The following CTNND2 variants were observed in gnomAD, a reference collection of about 807,000 sequenced individuals.
CTNND2 encodes the protein catenin delta-2.
Under a neutral mutation model 144.4 loss-of-function variants are expected in CTNND2, and 22 were observed. The ratio of observed to expected loss-of-function variants is 0.15; its 90% CI spans 0.11 to 0.22. The LOEUF is 0.22. Among genes scored for constraint, CTNND2 ranks in the 10% least tolerant of loss-of-function variants. The pLI, the probability that CTNND2 is intolerant of heterozygous loss-of-function variation, is 1.00. For missense variants in CTNND2, 1,353 were observed against 1,618.8 expected (o/e 0.84, Z 2.82); for synonymous variants, 751 against 695.6 (o/e 1.08, Z -1.25).
intron 15 of CTNND2, among the ~76,000 whole-genome samples, chr5:11,095,209 A>G (rs189618242): frequency 2.0e-5 from 3 of 152,296 alleles, no homozygotes; most frequent in East Asian, 3.9e-4. Context: ...GAGATACGGA[A>G]CCTGCAAACT....
intron 16 of CTNND2, among the ~76,000 whole-genome samples, chr5:11,024,074 A>G (rs1322600937): frequency 1.3e-5 from 2 of 152,226 alleles, no homozygotes; most frequent in African/African-American, 4.8e-5. Flanking sequence ...CCATGTACAT[A>G]TCTATAAATA....
At chr5:11,682,137 T>C (rs147979160) in intron 2 of CTNND2, among the ~76,000 whole-genome samples, 68 of 152,370 alleles carry the variant, frequency 4.5e-4, no homozygotes, top group Non-Finnish European at 7.6e-4. Flanking sequence ...GAATTATCTC[T>C]GGTTTCTACA....
chr5:11,133,810 G>A lies in CTNND2; in HGVS notation c.2160-16243C>T, dbSNP rs139813981. The stretch of plus-strand genomic sequence containing the variant: ...GGAAAATGCGTTAACAGGGCAGCTC[G>A]AAGATTCTGCATTTTAAAAGCAAGG... On this transcript the variant is annotated intron_variant, in intron 12 of 21. Coordinates refer to ENST00000304623, the MANE Select transcript of CTNND2 (RefSeq NM_001332.4). 7.2e-4 allele frequency among the ~76,000 whole-genome samples: 109 copies of A among 152,322 alleles called. 2 individuals carry two copies. The highest frequency in any genetic ancestry group is 2.4e-3 in the African/African-American group (101 of 41,574).
intron 3 of CTNND2, among the ~76,000 whole-genome samples, chr5:11,423,460 T>C (rs1762530590): frequency 6.6e-6 from 1 of 152,184 alleles, no homozygotes; most frequent in African/African-American, 2.4e-5. Flanking sequence ...ACATTTCAAG[T>C]TTCACTCTTT....
chr5:11,676,745 T>A (rs1447425696), intron 2 of CTNND2, among the ~76,000 whole-genome samples: 1 of 152,176 alleles, frequency 6.6e-6, no homozygotes, highest in Non-Finnish European at 1.5e-5. Context: ...GAGTCATTCC[T>A]CTTTGGTGCA....
rs531999985 is a variant in CTNND2 at position 11,146,303 on chromosome 5, G to A, written c.2159+13273C>T. Among the ~76,000 whole-genome samples, 14 of 152,266 alleles carry A rather than the reference G, an allele frequency of 9.2e-5. No homozygotes were observed. The South Asian group carries it at 1.0e-3, about 11-fold the overall frequency. ...AACAAGGAGAGGATGAGATGGCTACGGCTGCTCCAATTATCTAGGGGAGGG... is the reference window on the plus strand; with the variant it reads ...AACAAGGAGAGGATGAGATGGCTACAGCTGCTCCAATTATCTAGGGGAGGG... On this transcript the variant is annotated intron_variant, in intron 12 of 21. Transcript: ENST00000304623.
At chr5:11,748,234 T>C (rs551470562) in intron 1 of CTNND2, among the ~76,000 whole-genome samples, 2 of 152,148 alleles carry the variant, frequency 1.3e-5, no homozygotes, top group East Asian at 3.9e-4. Flanking sequence ...GCTGCCAAGA[T>C]ACATTGACAT....
At chr5:11,699,786 T>C (rs1473759698) in intron 2 of CTNND2, among the ~76,000 whole-genome samples, 1 of 152,234 alleles carries the variant, frequency 6.6e-6, no homozygotes, top group African/African-American at 2.4e-5. Context: ...CTTTCTAACT[T>C]GTACCTGTCC....
intron 3 of CTNND2, among the ~76,000 whole-genome samples, chr5:11,549,985 T>C (rs1355677583): frequency 6.6e-6 from 1 of 152,228 alleles, no homozygotes; most frequent in African/African-American, 2.4e-5. Flanking sequence ...GGGCATTTCC[T>C]ATCTATTCAC....
intron 2 of CTNND2, among the ~76,000 whole-genome samples, chr5:11,570,571 GC>G (rs1281762369): frequency 4.6e-5 from 7 of 151,952 alleles, no homozygotes; most frequent in African/African-American, 1.7e-4. Context: ...GTGATTTTTT[GC>G]TTCATTATCT....
chr5:11,387,091 C>T (rs1394850214), intron 6 of CTNND2, among the ~76,000 whole-genome samples: 3 of 150,658 alleles, frequency 2.0e-5, no homozygotes, highest in Non-Finnish European at 4.4e-5. Context: ...CTTACCATTG[C>T]TATTTAATTC....
At chr5:11,407,497 C>T (rs1056442313) in intron 5 of CTNND2, among the ~76,000 whole-genome samples, 3 of 152,140 alleles carry the variant, frequency 2.0e-5, no homozygotes, top group East Asian at 1.9e-4. Flanking sequence ...CAAAAAGATG[C>T]GTACTGTGAC....
At chr5:11,540,477 G>A (rs1197774112) in intron 3 of CTNND2, among the ~76,000 whole-genome samples, 3 of 152,160 alleles carry the variant, frequency 2.0e-5, no homozygotes, top group African/African-American at 7.2e-5. Flanking sequence ...AAATGGTTAC[G>A]ACACAGACTT....
intron 1 of CTNND2, among the ~76,000 whole-genome samples, chr5:11,773,842 C>G (rs12659824): frequency 6.7e-6 from 1 of 148,874 alleles, no homozygotes; most frequent in East Asian, 2.0e-4. Flanking sequence ...ATACAACAAA[C>G]ATGCAAATTT....
At chr5:11,200,840 G>T (rs544844610) in intron 10 of CTNND2, among the ~76,000 whole-genome samples, 1 of 152,044 alleles carries the variant, frequency 6.6e-6, no homozygotes, top group Non-Finnish European at 1.5e-5. Context: ...CACCACGCCC[G>T]GCTATTTTTT....
intron 5 of CTNND2, among the ~76,000 whole-genome samples, chr5:11,407,549 A>G (rs531135291): frequency 6.1e-4 from 93 of 152,314 alleles, no homozygotes; most frequent in Non-Finnish European, 9.4e-4. Context: ...ACAAATAGCA[A>G]AAAGCTTTAA....
chr5:11,170,151 T>C (rs1282573523), intron 11 of CTNND2, among the ~76,000 whole-genome samples: 1 of 152,186 alleles, frequency 6.6e-6, no homozygotes, highest in African/African-American at 2.4e-5. Flanking sequence ...GAAGGTCAGA[T>C]AAGAGTCTGA....
chr5:11,525,111 A>G (rs977157700), intron 3 of CTNND2, among the ~76,000 whole-genome samples: 7 of 152,216 alleles, frequency 4.6e-5, no homozygotes, highest in Non-Finnish European at 8.8e-5. Context: ...CCAGCAACAC[A>G]TCTGCATTCC....
At chr5:11,156,956 TG>T (rs1242280505) in intron 12 of CTNND2, among the ~76,000 whole-genome samples, 2 of 152,054 alleles carry the variant, frequency 1.3e-5, no homozygotes, top group African/African-American at 4.8e-5. Flanking sequence ...CAGCAGGTGG[TG>T]GTTGTGTATT....
Sources: gnomAD v4.1 joint callset for allele counts (sites outside exome capture counted in the v4.1 genomes callset) on GRCh38, gnomAD v4.1.1 for gene constraint, MANE v1.5 for transcripts, NCBI Gene and HGNC (gene_info 2026-07-23, HGNC 2026-07-21) for gene names.